Variants in TMEM164 observed in about 807,000 individuals in gnomAD.
TMEM164 encodes transmembrane protein 164, also known as RP13-360B22.2.
TMEM164 carries 4 observed loss-of-function variants against 18.8 expected under a neutral mutation model. That is an observed-to-expected ratio of 0.21 (90% CI 0.10 to 0.49). The LOEUF (loss-of-function observed/expected upper bound fraction) is 0.49, where lower values mean the gene tolerates loss of function less well. Ranked by LOEUF, TMEM164 falls within the 20% of genes least tolerant of loss-of-function variation. TMEM164 has a pLI of 0.98. For missense variants in TMEM164, 108 were observed against 239.9 expected (o/e 0.45, Z 3.63); for synonymous variants, 86 against 101.7 (o/e 0.85, Z 0.93).
At chrX:110,104,553 A>G in intron 3 of TMEM164, among the ~76,000 whole-genome samples, 1 of 112,069 alleles carries the variant, frequency 8.9e-6, no homozygotes. Flanking sequence ...ATTGCTTGAT[A>G]TGCACCATAG....
chrX:110,060,312 C>T (rs1043947116), intron 2 of TMEM164, among the ~76,000 whole-genome samples: 1 of 101,525 alleles, frequency 9.8e-6, no homozygotes, highest in South Asian at 4.6e-4. Context: ...GTCTAAGTGA[C>T]AAGACAGGAT....
At chrX:110,121,193 A>G (rs1290573676) in intron 4 of TMEM164, among the ~76,000 whole-genome samples, 2 of 112,575 alleles carry the variant, frequency 1.8e-5, no homozygotes, top group African/African-American at 6.5e-5. Context: ...AGGGGGTTTA[A>G]TTGACATATA....
intron 5 of TMEM164, among the ~76,000 whole-genome samples, chrX:110,148,855 TGCTG>T (rs2066899699): frequency 9.0e-6 from 1 of 110,702 alleles, no homozygotes; most frequent in Admixed American, 9.6e-5. Flanking sequence ...CTCTCTTCAC[TGCTG>T]GCTTTTCAGC....
chrX:110,164,611 G>A (rs1297719868), intron 5 of TMEM164, among the ~76,000 whole-genome samples: 1 of 111,450 alleles, frequency 9.0e-6, no homozygotes, highest in Admixed American at 9.5e-5. Context: ...CCAGGATGCT[G>A]GAAGGTTCAT....
chrX:110,019,887 A>G (rs1287154843), intron 2 of TMEM164, among the ~76,000 whole-genome samples: 1 of 111,650 alleles, frequency 9.0e-6, no homozygotes, highest in African/African-American at 3.3e-5. Context: ...GTTATTTAGT[A>G]TATTCTTCCA....
chrX:110,154,200 A>C (rs1273235676), intron 5 of TMEM164, among the ~76,000 whole-genome samples: 1 of 111,967 alleles, frequency 8.9e-6, no homozygotes, highest in African/African-American at 3.2e-5. Context: ...ATCTCAAAAA[A>C]TCATTGGCAT....
intron 2 of TMEM164, among the ~76,000 whole-genome samples, chrX:110,050,179 A>C (rs1362458496): frequency 9.0e-6 from 1 of 111,706 alleles, no homozygotes; most frequent in Non-Finnish European, 1.9e-5. Context: ...CCAAATGACT[A>C]TAGAGGGACT....
intron 2 of TMEM164, 63 bp from the exon 3 acceptor site, chrX:110,067,284 C>A: frequency 9.5e-7 from 1 of 1,051,121 alleles, no homozygotes. Flanking sequence ...GTTAAAGTAA[C>A]ATTGTCTCAC....
intron 2 of TMEM164, among the ~76,000 whole-genome samples, chrX:110,025,568 A>C (rs1384062368): frequency 1.8e-5 from 2 of 112,200 alleles, no homozygotes; most frequent in African/African-American, 6.5e-5. Flanking sequence ...TTTCAGAAAA[A>C]GAGTGAGTGA....
chrX:110,178,307 G>A (rs1050821127), downstream of TMEM164, among the ~76,000 whole-genome samples: 1 of 112,314 alleles, frequency 8.9e-6, no homozygotes, highest in African/African-American at 3.2e-5. Flanking sequence ...CCCTGTTCAG[G>A]CTTTCACCTG....
intron 2 of TMEM164, among the ~76,000 whole-genome samples, chrX:110,040,831 CCTAA>C (rs1449384368): frequency 1.8e-5 from 2 of 111,101 alleles, no homozygotes; most frequent in Non-Finnish European, 3.8e-5. Context: ...ATATTTGGGC[CCTAA>C]CTTTCAGCTT....
chrX:110,159,411 C>G (rs757480293), intron 5 of TMEM164, among the ~76,000 whole-genome samples: 11 of 110,536 alleles, frequency 1.0e-4, no homozygotes, highest in Non-Finnish European at 2.1e-4. Flanking sequence ...GCTGAACTGT[C>G]GGGAGGTTGT....
intron 3 of TMEM164, among the ~76,000 whole-genome samples, chrX:110,092,053 G>A (rs2065938683): frequency 8.9e-6 from 1 of 111,736 alleles, no homozygotes; most frequent in Admixed American, 9.5e-5. Flanking sequence ...GCTCTGTTCT[G>A]TTCCATTGGT....
intron 2 of TMEM164, among the ~76,000 whole-genome samples, chrX:110,011,320 G>C (rs1463053230): frequency 2.7e-5 from 3 of 111,957 alleles, no homozygotes; most frequent in African/African-American, 9.8e-5. Context: ...TAGGGGACAG[G>C]GGTCTTTTTT....
chrX:110,072,448 A>G (rs2065608766), intron 3 of TMEM164, among the ~76,000 whole-genome samples: 1 of 110,855 alleles, frequency 9.0e-6, no homozygotes, highest in African/African-American at 3.3e-5. Flanking sequence ...TTTTTGGGTC[A>G]ATTTTGGTCG....
At chrX:110,073,598 GT>G (rs2065628208) in intron 3 of TMEM164, among the ~76,000 whole-genome samples, 1 of 111,630 alleles carries the variant, frequency 9.0e-6, no homozygotes, top group Non-Finnish European at 1.9e-5. Context: ...ATTGTGAATA[GT>G]GCTGCGATGA....
chrX:110,083,744 A>G (rs150889062), intron 3 of TMEM164, among the ~76,000 whole-genome samples: 3,677 of 111,394 alleles, frequency 0.033, 129 homozygotes, highest in African/African-American at 0.1. Context: ...TATCTCATAT[A>G]TTTCTCATCA....
At position 110,173,749 on chromosome X, in the gene TMEM164, C is replaced by T. The variant is rs2067259987; in HGVS notation, c.*298C>T. On this transcript the variant is annotated 3_prime_UTR_variant, in exon 7 of 7. Transcript: ENST00000372068. Reference sequence around the variant, plus strand: ...TGCAGTGAGCGGCTCTTTCACTCTGCTTGTCGGTGCTTTAACAACAGCTGG... The same window carrying T: ...TGCAGTGAGCGGCTCTTTCACTCTGTTTGTCGGTGCTTTAACAACAGCTGG... 1 of 289,298 alleles carries T rather than the reference C, an allele frequency of 3.5e-6. No individual in the cohort carries two copies. The highest frequency in any genetic ancestry group is 2.7e-5 in the African/African-American group (1 of 36,431). The allele number at this position is 289,298 out of a possible 1,213,427, so 23.8% of individuals were successfully genotyped here. A position where few individuals can be genotyped will look rare whatever the true frequency, so the allele number is the denominator to read the frequency against.
chrX:110,013,211 A>G (rs774300969), intron 2 of TMEM164, among the ~76,000 whole-genome samples: 6 of 112,433 alleles, frequency 5.3e-5, no homozygotes, highest in African/African-American at 1.9e-4. Context: ...CCAATCGACC[A>G]GCTGTGTTTG....
Sources: gnomAD v4.1 joint callset for allele counts (sites outside exome capture counted in the v4.1 genomes callset) on GRCh38, gnomAD v4.1.1 for gene constraint, MANE v1.5 for transcripts, NCBI Gene and HGNC (gene_info 2026-07-23, HGNC 2026-07-21) for gene names.